SFXN5: variants seen among roughly 807,000 people sequenced by gnomAD.
SFXN5 encodes sideroflexin 5.
In SFXN5, 43 loss-of-function variants were observed where a neutral mutation model predicts 50.2. That is an observed-to-expected ratio of 0.86 (90% CI 0.67 to 1.11). The LOEUF is 1.11. Among genes scored for constraint, SFXN5 ranks in the 50% least tolerant of loss-of-function variants. The pLI is 0.00. For missense variants in SFXN5, 463 were observed against 454.1 expected (o/e 1.02, Z -0.18); for synonymous variants, 203 against 185.8 (o/e 1.09, Z -0.75).
Position 72,961,320 on chromosome 2 carries a change from G to A in SFXN5, c.828-72C>T. On this transcript the variant is annotated intron_variant, in intron 12 of 13. Transcript: ENST00000272433. The surrounding 1 kb of genome is among the most constrained non-coding windows in gnomAD (Gnocchi z 4.4). ...GGGCTGGCTGCCAGCCACCATGCTG[G>A]GTCCCACTCTGTCTCTGGGCCCAGG... 1.9e-6 allele frequency: 2 copies of A among 1,046,806 alleles called. No individual in the cohort carries two copies. The highest frequency in any genetic ancestry group is 2.7e-6 in the Non-Finnish European group (2 of 744,904). 64.8% of individuals were successfully genotyped at this position (1,046,806 alleles called of 1,614,324 possible). A position where few individuals can be genotyped will look rare whatever the true frequency, so the allele number is the denominator to read the frequency against.
chr2:73,004,308 TGCGC>T (rs60403985), intron 6 of SFXN5, among the ~76,000 whole-genome samples: 2 of 124,156 alleles, frequency 1.6e-5, no homozygotes, highest in African/African-American at 4.5e-5. Context: ...GAGGAATGAG[TGCGC>T]GCGCACACAC....
intron 13 of SFXN5, among the ~76,000 whole-genome samples, chr2:72,949,104 G>A (rs983486494): frequency 3.3e-5 from 5 of 152,194 alleles, no homozygotes; most frequent in African/African-American, 9.7e-5. Flanking sequence ...ATCAGAAAGG[G>A]CAGGCCAAGC....
chr2:72,992,917 G>A lies in SFXN5; in HGVS notation c.535-4569C>T, dbSNP rs535721726. Among the ~76,000 whole-genome samples the A allele has an allele frequency of 1.4e-3, 217 of 152,326 alleles. No individual in the cohort carries two copies. Among genetic ancestry groups the A allele is most frequent in the South Asian group, 0.012 (60 of 4,824 alleles). On this transcript the variant is annotated intron_variant, in intron 9 of 13. Coordinates refer to ENST00000272433, the MANE Select transcript of SFXN5 (RefSeq NM_144579.3). The surrounding 1 kb of genome is among the most constrained non-coding windows in gnomAD (Gnocchi z 4.5). The stretch of plus-strand genomic sequence containing the variant: ...CTGGCTACCTGTATGAGGAGGTGCC[G>A]TGAGGGAGTGGGCCCAAGGGTCATG...
At chr2:73,023,265 A>T in intron 3 of SFXN5, 51 bp from the exon 4 acceptor site, 1 of 1,541,098 alleles carries the variant, frequency 6.5e-7, no homozygotes, top group Middle Eastern at 1.7e-4. Context: ...TTAAAAGCAT[A>T]TATCGGTTTA....
chr2:73,052,404 T>C (rs973132306), intron 2 of SFXN5, among the ~76,000 whole-genome samples: 6 of 151,736 alleles, frequency 4.0e-5, no homozygotes, highest in Admixed American at 2.6e-4. Flanking sequence ...TGAGTGCATA[T>C]TGGTACCTCC....
intron 12 of SFXN5, among the ~76,000 whole-genome samples, chr2:72,966,515 C>G (rs571635875): frequency 6.6e-6 from 1 of 152,172 alleles, no homozygotes; most frequent in African/African-American, 2.4e-5. Flanking sequence ...CCATACCATA[C>G]GCATTTTCTT....
rs372095708 is a variant in SFXN5 at position 72,971,552 on chromosome 2, G to A, written c.741+18C>T. ...CCCTGTTGCTGGCCTCCCCAACCCT[G>A]CGAACCCCCAGACCCACGTGTCGGG... On this transcript the variant is annotated intron_variant, in intron 11 of 13. Coordinates refer to ENST00000272433, the MANE Select transcript of SFXN5 (RefSeq NM_144579.3). 2.5e-6 allele frequency: 4 copies of A among 1,602,698 alleles called. No homozygotes were observed. Among genetic ancestry groups the A allele is most frequent in the Non-Finnish European group, 3.4e-6 (4 of 1,170,528 alleles).
rs569666562 is a variant in SFXN5 at position 72,961,975 on chromosome 2, C to T, written c.828-727G>A. 3.3e-5 allele frequency among the ~76,000 whole-genome samples: 5 copies of T among 152,294 alleles called. No individual in the cohort carries two copies. Among genetic ancestry groups the T allele is most frequent in the South Asian group, 4.1e-4 (2 of 4,824 alleles). ...GGCACCCTCTTCCCATGGCTGGCTTCGGAGCTGGTTTCCTGGGCAGGGGAG... is the reference window on the plus strand; with the variant it reads ...GGCACCCTCTTCCCATGGCTGGCTTTGGAGCTGGTTTCCTGGGCAGGGGAG... On this transcript the variant is annotated intron_variant, in intron 12 of 13. Coordinates refer to ENST00000272433, the MANE Select transcript of SFXN5 (RefSeq NM_144579.3). This position sits in a 1 kb window ranked among gnomAD's most constrained non-coding sequence, Gnocchi z 4.4.
chr2:72,964,113 C>G (rs1037121163), intron 12 of SFXN5, among the ~76,000 whole-genome samples: 1 of 152,238 alleles, frequency 6.6e-6, no homozygotes, highest in Non-Finnish European at 1.5e-5. Flanking sequence ...AAGTATCAAC[C>G]GAGGCCAGAG....
At chr2:72,966,198 C>T (rs901075355) in intron 12 of SFXN5, among the ~76,000 whole-genome samples, 2 of 152,210 alleles carry the variant, frequency 1.3e-5, no homozygotes, top group East Asian at 3.9e-4. Context: ...CGTCCATTGT[C>T]CCCGAGGCCT....
At chr2:72,997,456 C>T (rs952938657) in intron 9 of SFXN5, 1 of 152,238 alleles carries the variant, frequency 6.6e-6, no homozygotes, top group Non-Finnish European at 1.5e-5. Flanking sequence ...TAAGATCTTG[C>T]TATGCTGCCC....
At position 73,000,195 on chromosome 2, in the gene SFXN5, C is replaced by T. The variant is rs550707457; in HGVS notation, c.468+236G>A. ...CCCATTTAATGGGCCTTCTTCACTT[C>T]ATGTAAACAGCCCCTCCCCAGAGGG... is the stretch of plus-strand genomic sequence containing the variant. On this transcript the variant is annotated intron_variant, in intron 8 of 13. Transcript: ENST00000272433. Among the ~76,000 whole-genome samples, 4 of 152,324 alleles carry T rather than the reference C, an allele frequency of 2.6e-5. No homozygotes were observed. In the East Asian group the frequency reaches 7.7e-4, roughly 29 times the overall value.
chr2:72,955,051 G>A (rs1429953730), intron 13 of SFXN5, among the ~76,000 whole-genome samples: 2 of 152,200 alleles, frequency 1.3e-5, no homozygotes, highest in Non-Finnish European at 2.9e-5. Context: ...TTGGGGCCAC[G>A]GGACAGCCCC....
intron 1 of SFXN5, among the ~76,000 whole-genome samples, chr2:73,070,021 GAGGATCTGACTC>G (rs1475580131): frequency 6.6e-6 from 1 of 152,198 alleles, no homozygotes; most frequent in African/African-American, 2.4e-5. Context: ...GGAGAGCTAT[GAGGATCTGACTC>G]AGGTGGCCAA....
At chr2:73,036,294 G>A (rs1288721835) in intron 3 of SFXN5, among the ~76,000 whole-genome samples, 1 of 151,014 alleles carries the variant, frequency 6.6e-6, no homozygotes, top group East Asian at 2.0e-4. Flanking sequence ...TTGGCTGACT[G>A]AAGCCCAGGG....
At chr2:73,010,227 C>A (rs62147727) in intron 6 of SFXN5, among the ~76,000 whole-genome samples, 22,764 of 152,178 alleles carry the variant, frequency 0.15, 1,997 homozygotes, top group East Asian at 0.36. Context: ...AATGTATATA[C>A]CCAGCTAAAT....
intron 1 of SFXN5, chr2:73,071,365 C>A: frequency 3.9e-6 from 2 of 512,632 alleles, no homozygotes; most frequent in Non-Finnish European, 6.9e-6. Flanking sequence ...GGCTAGAGGG[C>A]GCGGGCAGTC....
intron 6 of SFXN5, among the ~76,000 whole-genome samples, chr2:73,016,900 T>C (rs979192819): frequency 2.6e-5 from 4 of 152,058 alleles, no homozygotes; most frequent in South Asian, 2.1e-4. Context: ...TAGAAGGCAA[T>C]ATTCAAAAAA....
intron 3 of SFXN5, among the ~76,000 whole-genome samples, chr2:73,032,187 C>T (rs1243224208): frequency 2.0e-5 from 3 of 152,132 alleles, no homozygotes; most frequent in African/African-American, 7.2e-5. Context: ...AAGAGTTCGA[C>T]GGGACATCCT....
Sources: gnomAD v4.1 joint callset for allele counts (sites outside exome capture counted in the v4.1 genomes callset) on GRCh38, gnomAD v4.1.1 for gene constraint, Gnocchi (gnomAD v3.1) non-coding constraint, MANE v1.5 for transcripts, NCBI Gene and HGNC (gene_info 2026-07-23, HGNC 2026-07-21) for gene names.